The following DPP10 variants were observed in gnomAD, a reference collection of about 807,000 sequenced individuals.
The protein encoded by DPP10 is dipeptidyl peptidase like 10, also known as inactive dipeptidyl peptidase 10.
In DPP10, 33 loss-of-function variants were observed where a neutral mutation model predicts 120.9. The ratio of observed to expected loss-of-function variants is 0.27; its 90% CI spans 0.21 to 0.37. The LOEUF (loss-of-function observed/expected upper bound fraction) is 0.37, where lower values mean the gene tolerates loss of function less well. Ranked by LOEUF, DPP10 falls within the 10% of genes least tolerant of loss-of-function variation. The pLI is 1.00. For synonymous variants in DPP10, 337 were observed against 326.1 expected, an observed-to-expected ratio of 1.03 and a Z score of -0.36; for missense variants, 816 against 942.8, an observed-to-expected ratio of 0.87 and a Z score of 1.76.
chr2:115,156,485 A>C (rs1441031803), intron 1 of DPP10, among the ~76,000 whole-genome samples: 1 of 152,236 alleles, frequency 6.6e-6, no homozygotes, highest in East Asian at 1.9e-4. Flanking sequence ...GTGTTAAAAA[A>C]GATGAAAATC....
At chr2:115,033,195 A>G (rs1322657683) in intron 1 of DPP10, among the ~76,000 whole-genome samples, 1 of 152,200 alleles carries the variant, frequency 6.6e-6, no homozygotes, top group Non-Finnish European at 1.5e-5. Flanking sequence ...ACAGAGGCTA[A>G]GTAATGACTT....
At chr2:115,423,687 A>G (rs1015138072) in intron 3 of DPP10, among the ~76,000 whole-genome samples, 2 of 152,160 alleles carry the variant, frequency 1.3e-5, no homozygotes, top group African/African-American at 2.4e-5. Context: ...ATTTAATGAC[A>G]AAAATATCAT....
intron 1 of DPP10, among the ~76,000 whole-genome samples, chr2:114,869,232 G>A (rs572767160): frequency 1.3e-5 from 2 of 152,166 alleles, no homozygotes; most frequent in Admixed American, 6.6e-5. Flanking sequence ...TATAATGCCT[G>A]TATGTATATA....
intron 3 of DPP10, among the ~76,000 whole-genome samples, chr2:115,351,574 A>G (rs765634471): frequency 1.3e-5 from 2 of 152,132 alleles, no homozygotes; most frequent in African/African-American, 4.8e-5. Flanking sequence ...ATAGGAGGCT[A>G]TTGAAATAAT....
At chr2:115,425,617 T>C (rs2070383093) in intron 3 of DPP10, among the ~76,000 whole-genome samples, 1 of 152,158 alleles carries the variant, frequency 6.6e-6, no homozygotes, top group African/African-American at 2.4e-5. Flanking sequence ...GAAGCACATG[T>C]AGTATATGTT....
intron 1 of DPP10, among the ~76,000 whole-genome samples, chr2:114,926,709 A>T (rs1695652829): frequency 6.6e-6 from 1 of 152,202 alleles, no homozygotes; most frequent in Non-Finnish European, 1.5e-5. Flanking sequence ...ATGGAATCAC[A>T]CCCCTGGAGG....
intron 1 of DPP10, among the ~76,000 whole-genome samples, chr2:115,077,435 C>A (rs1401946745): frequency 6.6e-6 from 1 of 152,042 alleles, no homozygotes; most frequent in African/African-American, 2.4e-5. Flanking sequence ...TCTAACCTCA[C>A]CGGAAAACTG....
chr2:114,504,949 G>A (rs1045969383), intron 1 of DPP10, among the ~76,000 whole-genome samples: 2 of 151,222 alleles, frequency 1.3e-5, no homozygotes, highest in African/African-American at 4.9e-5. Flanking sequence ...CTACTCGGGA[G>A]GCTGACTCAG....
chr2:114,503,195 C>T (rs1683346830), intron 1 of DPP10, among the ~76,000 whole-genome samples: 1 of 152,106 alleles, frequency 6.6e-6, no homozygotes, highest in Non-Finnish European at 1.5e-5. Flanking sequence ...CTCGACTTAC[C>T]CAACTTTATA....
chr2:115,660,662 T>TTTTTA (rs1274225734), intron 5 of DPP10, among the ~76,000 whole-genome samples: 2 of 142,106 alleles, frequency 1.4e-5, no homozygotes, highest in Non-Finnish European at 3.0e-5. Context: ...TGGCTTTTTT[T>TTTTTA]TTTTTTTTTT....
intron 2 of DPP10, among the ~76,000 whole-genome samples, chr2:115,332,056 G>C (rs895739776): frequency 6.6e-6 from 1 of 152,058 alleles, no homozygotes; most frequent in East Asian, 1.9e-4. Context: ...TCTGGTCCTG[G>C]ACTTTTTTTG....
intron 5 of DPP10, among the ~76,000 whole-genome samples, chr2:115,678,190 A>G (rs1415018263): frequency 6.6e-6 from 1 of 152,260 alleles, no homozygotes; most frequent in Non-Finnish European, 1.5e-5. Flanking sequence ...TGGGGAGCCA[A>G]ATGTTAATCA....
intron 1 of DPP10, among the ~76,000 whole-genome samples, chr2:115,040,057 A>G (rs901725700): frequency 2.0e-5 from 3 of 152,206 alleles, no homozygotes; most frequent in African/African-American, 7.2e-5. Flanking sequence ...ACTAGAAGTA[A>G]TGCTTTAATA....
intron 1 of DPP10, among the ~76,000 whole-genome samples, chr2:114,724,917 A>G (rs1422765206): frequency 6.6e-6 from 1 of 152,142 alleles, no homozygotes; most frequent in Non-Finnish European, 1.5e-5. Flanking sequence ...AGAATTTAGG[A>G]AGTTGCTATG....
intron 1 of DPP10, among the ~76,000 whole-genome samples, chr2:114,551,086 C>G (rs1687846002): frequency 6.6e-6 from 1 of 152,162 alleles, no homozygotes; most frequent in Non-Finnish European, 1.5e-5. Flanking sequence ...TGCAATCCAT[C>G]CTCCACTACA....
intron 3 of DPP10, among the ~76,000 whole-genome samples, chr2:115,492,718 G>GT (rs2105357398): frequency 6.6e-6 from 1 of 152,144 alleles, no homozygotes; most frequent in African/African-American, 2.4e-5. Flanking sequence ...GGTATAGATC[G>GT]TTTCAATTCT....
intron 5 of DPP10, among the ~76,000 whole-genome samples, chr2:115,539,250 A>T (rs1051593138): frequency 3.3e-5 from 5 of 152,022 alleles, no homozygotes; most frequent in African/African-American, 1.2e-4. Flanking sequence ...TATGGGAAGA[A>T]TAATAGATAT....
chr2:115,140,923 C>G (rs946682330), intron 1 of DPP10, among the ~76,000 whole-genome samples: 5 of 48,808 alleles, frequency 1.0e-4, no homozygotes, highest in Non-Finnish European at 1.8e-4. Flanking sequence ...ACATGCTTAT[C>G]TTGAAAAAAA....
At chr2:115,437,034 A>T (rs1241702836) in intron 3 of DPP10, among the ~76,000 whole-genome samples, 1 of 151,978 alleles carries the variant, frequency 6.6e-6, no homozygotes, top group Admixed American at 6.6e-5. Context: ...TAATCACCTG[A>T]CTATGTGACG....
Sources: gnomAD v4.1 joint callset for allele counts (sites outside exome capture counted in the v4.1 genomes callset) on GRCh38, gnomAD v4.1.1 for gene constraint, MANE v1.5 for transcripts, NCBI Gene and HGNC (gene_info 2026-07-23, HGNC 2026-07-21) for gene names.